The following PCCB variants were observed in gnomAD, a reference collection of about 807,000 sequenced individuals.
The protein encoded by PCCB is propionyl-CoA carboxylase subunit beta, also known as propionyl-CoA carboxylase beta chain, mitochondrial.
PCCB carries 43 observed loss-of-function variants against 60.7 expected under a neutral mutation model. The observed-to-expected ratio is 0.71, with a 90% CI of 0.55 to 0.91. The LOEUF is 0.91. PCCB is among the 40% of genes least tolerant of loss of function. PCCB has a pLI of 0.00. For missense variants in PCCB, 766 were observed against 702.8 expected, an observed-to-expected ratio of 1.09 and a Z score of -1.02; for synonymous variants, 276 against 255.9, an observed-to-expected ratio of 1.08 and a Z score of -0.75.
Position 136,259,204 on chromosome 3 carries a change from C to G in PCCB, c.373-1275C>G, listed in dbSNP as rs756629698. 1.7e-5 allele frequency: 24 copies of G among 1,417,592 alleles called. No individual in the cohort carries two copies. In the African/African-American group the frequency reaches 3.5e-4, roughly 21 times the overall value. The allele number at this position is 1,417,592 out of a possible 1,614,324, so 87.8% of individuals were successfully genotyped here. ...ATAATAGGCTGGGCACAGTGGCTCC[C>G]GCTTGTCATCTCAGCACTTTGGGAG... On this transcript the variant is annotated intron_variant, in intron 3 of 14. Coordinates refer to ENST00000251654, the MANE Select transcript of PCCB (RefSeq NM_000532.5).
chr3:136,286,530 A>G (rs922108227), intron 6 of PCCB, among the ~76,000 whole-genome samples: 20 of 152,210 alleles, frequency 1.3e-4, no homozygotes, highest in African/African-American at 4.6e-4. Flanking sequence ...CCAGTGGCTC[A>G]GGTAAAAGCT....
chr3:136,314,785 A>G (rs1323356606), intron 9 of PCCB, among the ~76,000 whole-genome samples: 4 of 152,236 alleles, frequency 2.6e-5, no homozygotes. Context: ...CTAGTGGATG[A>G]AGAACTAGAT....
rs778416673 is a variant in PCCB, at chr3:136,327,169, TAC to T, written c.1214_1215del (p.Tyr405TrpfsTer16). The stretch of plus-strand genomic sequence containing the variant: ...CTCATGTCTAGGCACAGCACAGGAA[TAC>T]GGGGGCATCATCCGGCATGGTGCCA... Reference protein sequence around the residue: ...PGFLPGTAQEYGGIIRHGAKL... With the variant: ...PGFLPGTAQEXGGIIRHGAKL... On this transcript the variant is annotated frameshift_variant, in exon 12 of 15. Coordinates refer to ENST00000251654, the MANE Select transcript of PCCB (RefSeq NM_000532.5). LOFTEE classifies it high-confidence loss of function. 1 of 1,613,922 alleles carries T rather than the reference TAC, an allele frequency of 6.2e-7. No individual in the cohort carries two copies. Among genetic ancestry groups the T allele is most frequent in the South Asian group, 1.1e-5 (1 of 91,080 alleles).
intron 5 of PCCB, among the ~76,000 whole-genome samples, chr3:136,281,184 A>G (rs145923435): frequency 6.6e-6 from 1 of 151,934 alleles, no homozygotes; most frequent in Non-Finnish European, 1.5e-5. Flanking sequence ...AAATGTGGGA[A>G]GTTTTCAGTC....
At chr3:136,258,628 A>C (rs1284379124) in intron 3 of PCCB, among the ~76,000 whole-genome samples, 1 of 152,220 alleles carries the variant, frequency 6.6e-6, no homozygotes, top group East Asian at 1.9e-4. Flanking sequence ...GAGAGAAAAA[A>C]AGGGGCCAGC....
chr3:136,302,132 C>T (rs897281160), intron 9 of PCCB, among the ~76,000 whole-genome samples: 1 of 152,172 alleles, frequency 6.6e-6, no homozygotes, highest in Admixed American at 6.5e-5. Context: ...CACAGATTCT[C>T]AATATTTGGA....
chr3:136,280,727 C>T (rs775184229), intron 5 of PCCB, among the ~76,000 whole-genome samples: 1 of 152,222 alleles, frequency 6.6e-6, no homozygotes, highest in Non-Finnish European at 1.5e-5. Context: ...GTGGCATGAT[C>T]ATGGCTCATT....
chr3:136,317,912 A>G lies in PCCB; in HGVS notation c.1090+848A>G, dbSNP rs377027426. Among the ~76,000 whole-genome samples the G allele has an allele frequency of 1.8e-4, 28 of 152,254 alleles. No individual in the cohort carries two copies. The East Asian group carries it at 2.5e-3, about 14-fold the overall frequency. On this transcript the variant is annotated intron_variant, in intron 10 of 14. Transcript: ENST00000251654. ...AGGGATTGGGAGTGCTGGGGTGGGG[A>G]CTGTGAATACCACTTCTCTCCTCAA...
At chr3:136,283,163 G>T (rs1008598686) in intron 5 of PCCB, among the ~76,000 whole-genome samples, 3 of 152,318 alleles carry the variant, frequency 2.0e-5, no homozygotes, top group African/African-American at 4.8e-5. Flanking sequence ...GAGAAGGAAA[G>T]AATTTGGAAG....
chr3:136,301,784 T>C (rs1934294854), intron 9 of PCCB, among the ~76,000 whole-genome samples: 1 of 152,152 alleles, frequency 6.6e-6, no homozygotes, highest in Non-Finnish European at 1.5e-5. Context: ...TTTGTCTTTT[T>C]TATTCTTGTA....
rs755190477 is a variant in PCCB at position 136,302,295 on chromosome 3, A to G, written c.966+1184A>G. Among the ~76,000 whole-genome samples, 25 of 121,640 alleles carry G rather than the reference A, an allele frequency of 2.1e-4. 6 individuals are homozygous for G. The highest frequency in any genetic ancestry group is 6.6e-4 in the South Asian group (2 of 3,036). 79.8% of individuals were successfully genotyped at this position (121,640 alleles called of 152,430 possible). A position where few individuals can be genotyped will look rare whatever the true frequency, so the allele number is the denominator to read the frequency against. On this transcript the variant is annotated intron_variant, in intron 9 of 14. Coordinates refer to ENST00000251654, the MANE Select transcript of PCCB (RefSeq NM_000532.5). Reference sequence around the variant, plus strand: ...GAAATTAACTCCAATTTTCAGTCCAATCCTTCCCCTGGAAGTTGCAGTCTT... The same window carrying G: ...GAAATTAACTCCAATTTTCAGTCCAGTCCTTCCCCTGGAAGTTGCAGTCTT...
At chr3:136,264,820 A>C (rs1465306656) in intron 5 of PCCB, among the ~76,000 whole-genome samples, 1 of 145,458 alleles carries the variant, frequency 6.9e-6, no homozygotes, top group African/African-American at 2.5e-5. Flanking sequence ...GCTTGCAGTC[A>C]GCCAAGATTG....
At chr3:136,271,081 C>G (rs1356963233) in intron 5 of PCCB, among the ~76,000 whole-genome samples, 1 of 152,178 alleles carries the variant, frequency 6.6e-6, no homozygotes, top group Admixed American at 6.5e-5. Flanking sequence ...TGTGAGTTGG[C>G]TCTTTGCTGA....
At chr3:136,301,900 T>G (rs1934299546) in intron 9 of PCCB, among the ~76,000 whole-genome samples, 1 of 152,208 alleles carries the variant, frequency 6.6e-6, no homozygotes, top group Admixed American at 6.5e-5. Flanking sequence ...TAATTTTCCC[T>G]GCATATGCAG....
chr3:136,273,283 A>T (rs1407514612), intron 5 of PCCB, among the ~76,000 whole-genome samples: 1 of 152,152 alleles, frequency 6.6e-6, no homozygotes. Context: ...AAGAATGTAT[A>T]TTCTGCAGTT....
chr3:136,257,151 C>T (rs894916394), intron 3 of PCCB, among the ~76,000 whole-genome samples: 2 of 152,180 alleles, frequency 1.3e-5, no homozygotes, highest in African/African-American at 4.8e-5. Context: ...GGTTGTTAAT[C>T]AGCTGGCCTT....
chr3:136,326,960 G>A lies in PCCB; in HGVS notation c.1198+50G>A, dbSNP rs768301263. 11 of 1,278,416 alleles carry A rather than the reference G, an allele frequency of 8.6e-6. No individual in the cohort carries two copies. The East Asian group carries it at 1.2e-4, about 13-fold the overall frequency. 79.2% of individuals were successfully genotyped at this position (1,278,416 alleles called of 1,614,324 possible). A position where few individuals can be genotyped will look rare whatever the true frequency, so the allele number is the denominator to read the frequency against. ...TAGGAGAGTTGCCTTTCCCAGTAAG[G>A]TGCCCACTTTATTTGGAGATCTTCT... On this transcript the variant is annotated intron_variant, in intron 11 of 14. Coordinates refer to ENST00000251654, the MANE Select transcript of PCCB (RefSeq NM_000532.5).
chr3:136,324,611 C>G (rs1284047488), intron 10 of PCCB, among the ~76,000 whole-genome samples: 2 of 151,250 alleles, frequency 1.3e-5, no homozygotes, highest in African/African-American at 4.9e-5. Flanking sequence ...TTTTTTTCTC[C>G]CATATCTTAG....
At chr3:136,295,776 C>T (rs542306673) in intron 7 of PCCB, among the ~76,000 whole-genome samples, 63 of 151,836 alleles carry the variant, frequency 4.1e-4, no homozygotes, top group African/African-American at 1.4e-3. Context: ...CGCACATGAG[C>T]GTGAATACAC....
Sources: gnomAD v4.1 joint callset for allele counts (sites outside exome capture counted in the v4.1 genomes callset) on GRCh38, gnomAD v4.1.1 for gene constraint, MANE v1.5 for transcripts, NCBI Gene and HGNC (gene_info 2026-07-23, HGNC 2026-07-21) for gene names.